The following USP42 variants were observed in gnomAD, a reference collection of about 807,000 sequenced individuals.
USP42 encodes the protein ubiquitin specific peptidase 42, also known as ubiquitin carboxyl-terminal hydrolase 42.
Under a neutral mutation model 113.0 loss-of-function variants are expected in USP42, and 23 were observed. The ratio of observed to expected loss-of-function variants is 0.20; its 90% CI spans 0.15 to 0.29. USP42 has a LOEUF of 0.29. USP42 is among the 10% of genes least tolerant of loss of function. The pLI, the probability that USP42 is intolerant of heterozygous loss-of-function variation, is 1.00. For synonymous variants in USP42, 933 were observed against 699.0 expected (o/e 1.33, Z -5.28); for missense variants, 2,174 against 1,779.8 (o/e 1.22, Z -3.99).
At chr7:6,121,753 C>T (rs1325650442) in intron 3 of USP42, among the ~76,000 whole-genome samples, 1 of 152,188 alleles carries the variant, frequency 6.6e-6, no homozygotes, top group Non-Finnish European at 1.5e-5. Context: ...CAGCCTCCAC[C>T]TCCTGGGCTC....
intron 14 of USP42, 94 bp downstream of exon 14, chr7:6,150,600 T>G: frequency 2.8e-6 from 3 of 1,056,014 alleles, no homozygotes; most frequent in Non-Finnish European, 4.3e-6. Context: ...GTAGAAATTT[T>G]ATAATGAACA....
At chr7:6,123,292 G>A (rs1780338374) in intron 3 of USP42, among the ~76,000 whole-genome samples, 1 of 152,192 alleles carries the variant, frequency 6.6e-6, no homozygotes, top group Admixed American at 6.5e-5. Flanking sequence ...GGGAGGCTGA[G>A]GCAGGAGGAT....
intron 3 of USP42, among the ~76,000 whole-genome samples, chr7:6,132,907 G>C (rs1780929676): frequency 6.6e-6 from 1 of 152,148 alleles, no homozygotes; most frequent in African/African-American, 2.4e-5. Flanking sequence ...CTTCTACCTT[G>C]TGATCTGCCC....
rs781282283 is a variant in USP42, at chr7:6,155,192, C to G, written c.3638C>G (p.Ser1213Cys). Residue 1213 changes from serine to cysteine, a missense_variant, in exon 15 of 18, where the codon TCC (serine) becomes TGC (cysteine). By Grantham distance (112) the Ser-to-Cys change is moderately radical. Transcript: ENST00000306177. Reference sequence around the variant, plus strand: ...AAAGACAAACACCGAGACCGCGACTCCAGGTGAGCCTGGGGCCTTGTGCTC... The same window carrying G: ...AAAGACAAACACCGAGACCGCGACTGCAGGTGAGCCTGGGGCCTTGTGCTC... ...KSKDKHRDRD[S>C]RHQQDSDLSA... The G allele has an allele frequency of 5.9e-6, 9 of 1,528,364 alleles. No homozygotes were observed. The highest frequency in any genetic ancestry group is 1.2e-5 in the South Asian group (1 of 83,274). The allele number at this position is 1,528,364 out of a possible 1,614,324, so 94.7% of individuals were successfully genotyped here. A position where few individuals can be genotyped will look rare whatever the true frequency, so the allele number is the denominator to read the frequency against.
chr7:6,150,396 T>G lies in USP42; in HGVS notation c.2107-16T>G, dbSNP rs1340366244. 3.1e-6 allele frequency: 5 copies of G among 1,613,262 alleles called. No individual in the cohort carries two copies. The highest frequency in any genetic ancestry group is 3.4e-6 in the Non-Finnish European group (4 of 1,179,254). On this transcript the variant is annotated splice_polypyrimidine_tract_variant and intron_variant, in intron 13 of 17. Transcript: ENST00000306177. ...AGCTGGCGACTGAAGCTGAAATATT[T>G]TTGTTTTTATTGCAGTTGATGCCTG...
chr7:6,124,314 C>G (rs1444900368), intron 3 of USP42, among the ~76,000 whole-genome samples: 1 of 152,178 alleles, frequency 6.6e-6, no homozygotes, highest in Non-Finnish European at 1.5e-5. Context: ...GTCACCCAGG[C>G]TGGAGTGCAG....
chr7:6,118,064 C>A (rs890316120), intron 3 of USP42, among the ~76,000 whole-genome samples: 4 of 151,084 alleles, frequency 2.6e-5, no homozygotes, highest in African/African-American at 7.3e-5. Flanking sequence ...AATTTCATTT[C>A]TTTTTTTTTC....
At chr7:6,109,036 T>G (rs1779447105) in intron 1 of USP42, among the ~76,000 whole-genome samples, 1 of 152,170 alleles carries the variant, frequency 6.6e-6, no homozygotes, top group East Asian at 1.9e-4. Flanking sequence ...GCCAGCACAG[T>G]ACCGTAGAAA....
Position 6,150,166 on chromosome 7 carries a change from T to C in USP42, c.1970T>C (p.Leu657Pro), listed in dbSNP as rs1347426152. ...TPHELQEPMT[L>P]NGANSADSDS... Reference sequence around the variant, plus strand: ...CACGAGCTTCAAGAACCCATGACCCTAAACGGTGCTAATAGTGCAGACAGC... The same window carrying C: ...CACGAGCTTCAAGAACCCATGACCCCAAACGGTGCTAATAGTGCAGACAGC... The change falls in exon 13 of 18, where the codon CTA (leucine) becomes CCA (proline). Residue 657 changes from leucine (L) to proline (P), a missense_variant. Coordinates refer to ENST00000306177, the MANE Select transcript of USP42 (RefSeq NM_032172.3). The C allele has an allele frequency of 3.7e-6, 6 of 1,613,778 alleles. No homozygotes were observed. The highest frequency in any genetic ancestry group is 1.3e-5 in the African/African-American group (1 of 74,930).
chr7:6,098,872 T>G, the USP42 span, among the ~76,000 whole-genome samples: 1 of 150,048 alleles, frequency 6.7e-6, no homozygotes, highest in Non-Finnish European at 1.5e-5. Context: ...GTAGGGTACC[T>G]ACCTCATTTG....
chr7:6,156,797 G>A lies in USP42; in HGVS notation c.3685G>A (p.Asp1229Asn), dbSNP rs1367574993. The A allele has an allele frequency of 6.3e-7, 1 of 1,596,308 alleles. No individual in the cohort carries two copies. The highest frequency in any genetic ancestry group is 2.2e-5 in the East Asian group (1 of 44,804). ...CCTCTCAGCAGCGTGCTCTGACGCTGACCTCCACAGACACAAAAAAAAGAA... is the reference window on the plus strand; with the variant it reads ...CCTCTCAGCAGCGTGCTCTGACGCTAACCTCCACAGACACAAAAAAAAGAA... ...SDLSAACSDA[D>N]LHRHKKKKKK... Residue 1229 changes from aspartate to asparagine, a missense_variant, in exon 16 of 18, where the codon GAC becomes AAC. Coordinates refer to ENST00000306177, the MANE Select transcript of USP42 (RefSeq NM_032172.3).
rs1030489067 is a variant in USP42, at chr7:6,157,761, G to A, written c.3943+706G>A. 1.3e-5 allele frequency among the ~76,000 whole-genome samples: 2 copies of A among 152,194 alleles called. No individual in the cohort carries two copies. The highest frequency in any genetic ancestry group is 4.8e-5 in the African/African-American group (2 of 41,450). ...CTCGCTTGGTTCCTTAGAAGCGTGG[G>A]CACCAGCCTCTGCTTGAGTGACACT... On this transcript the variant is annotated intron_variant, in intron 16 of 17. Transcript: ENST00000306177. The surrounding 1 kb of genome is among the most constrained non-coding windows in gnomAD (Gnocchi z 4.1).
chr7:6,132,295 G>A (rs1780894042), intron 3 of USP42, among the ~76,000 whole-genome samples: 1 of 152,134 alleles, frequency 6.6e-6, no homozygotes, highest in South Asian at 2.1e-4. Context: ...CTGATAAGAA[G>A]TCTGTTGTCG....
rs1175384366 is a variant in USP42 at position 6,135,483 on chromosome 7, A to G, written c.443-358A>G. On this transcript the variant is annotated intron_variant, in intron 3 of 17. Coordinates refer to ENST00000306177, the MANE Select transcript of USP42 (RefSeq NM_032172.3). Reference sequence around the variant, plus strand: ...GCTAACATGGTGAAACCCCATCTCTACTAAAAATACAAAAAAAAATTAGCC... The same window carrying G: ...GCTAACATGGTGAAACCCCATCTCTGCTAAAAATACAAAAAAAAATTAGCC... Among the ~76,000 whole-genome samples, 8 of 151,750 alleles carry G rather than the reference A, an allele frequency of 5.3e-5. 1 individual carries two copies. The South Asian group carries it at 1.0e-3, about 20-fold the overall frequency.
At chr7:6,145,898 C>A (rs534758855) in intron 10 of USP42, among the ~76,000 whole-genome samples, 2 of 152,170 alleles carry the variant, frequency 1.3e-5, no homozygotes, top group Admixed American at 6.5e-5. Context: ...GGTGAAACCC[C>A]GCCTCTATTA....
chr7:6,145,792 G>A (rs1183421647), intron 10 of USP42, 136 bp downstream of exon 10: 18 of 1,032,236 alleles, frequency 1.7e-5, no homozygotes, highest in East Asian at 7.8e-5. Context: ...TCTCTTGGCC[G>A]GGCGCAGTGG....
chr7:6,101,695 G>C (rs937313714), upstream of USP42, among the ~76,000 whole-genome samples: 1 of 151,120 alleles, frequency 6.6e-6, no homozygotes, highest in African/African-American at 2.5e-5. Context: ...TGATGGCATG[G>C]GGCAAGGTAG....
intron 3 of USP42, among the ~76,000 whole-genome samples, chr7:6,120,026 C>T (rs780932639): frequency 2.6e-5 from 4 of 152,146 alleles, no homozygotes; most frequent in Non-Finnish European, 5.9e-5. Context: ...AGTGCAGTGG[C>T]GCTGTCTCGG....
intron 7 of USP42, among the ~76,000 whole-genome samples, chr7:6,141,547 T>C (rs1165462550): frequency 1.3e-5 from 2 of 151,558 alleles, no homozygotes; most frequent in East Asian, 4.0e-4. Context: ...ATTAGCCAAG[T>C]ACAGTTGGTT....
Sources: gnomAD v4.1 joint callset for allele counts (sites outside exome capture counted in the v4.1 genomes callset) on GRCh38, gnomAD v4.1.1 for gene constraint, Gnocchi (gnomAD v3.1) non-coding constraint, MANE v1.5 for transcripts, NCBI Gene and HGNC (gene_info 2026-07-23, HGNC 2026-07-21) for gene names.